Variants in DRC10 observed in about 807,000 individuals in gnomAD.
DRC10 encodes the protein IQ domain-containing protein D.
At chr12:113,211,878 C>T in the DRC10 span, among the ~76,000 whole-genome samples, 2 of 151,656 alleles carry the variant, frequency 1.3e-5, no homozygotes, top group African/African-American at 4.8e-5. Flanking sequence ...TCAGCATGGG[C>T]AACAAAATGA....
At chr12:113,212,183 T>C in the DRC10 span, among the ~76,000 whole-genome samples, 1 of 151,816 alleles carries the variant, frequency 6.6e-6, no homozygotes, top group Non-Finnish European at 1.5e-5. Flanking sequence ...CAGTCTCCTG[T>C]CTCAGCCTCC....
At chr12:113,207,617 T>C in the DRC10 span, 64 of 1,613,986 alleles carry the variant, frequency 4.0e-5, no homozygotes, top group Non-Finnish European at 5.3e-5. Context: ...AGGCTGTCAA[T>C]AAAATTCTGG....
At chr12:113,198,700 G>C in the DRC10 span, among the ~76,000 whole-genome samples, 1 of 152,308 alleles carries the variant, frequency 6.6e-6, no homozygotes, top group East Asian at 1.9e-4. Flanking sequence ...GAACTAGATA[G>C]AAGTGGTGGA....
At chr12:113,203,504 C>G in the DRC10 span, among the ~76,000 whole-genome samples, 29 of 134,712 alleles carry the variant, frequency 2.2e-4, no homozygotes, top group African/African-American at 7.8e-4. Context: ...GAGACAGAGT[C>G]TCACTCTGTC....
At chr12:113,213,479 C>T in the DRC10 span, among the ~76,000 whole-genome samples, 1 of 152,152 alleles carries the variant, frequency 6.6e-6, no homozygotes, top group Non-Finnish European at 1.5e-5. Context: ...GTTCTGAATG[C>T]TATATACGAA....
At chr12:113,202,884 G>T in the DRC10 span, 1 of 299,542 alleles carries the variant, frequency 3.3e-6, no homozygotes, top group Non-Finnish European at 7.0e-6. Context: ...TATTTTGGGT[G>T]TCTCTGTTAT....
At chr12:113,204,145 G>A in the DRC10 span, among the ~76,000 whole-genome samples, 5 of 152,224 alleles carry the variant, frequency 3.3e-5, no homozygotes, top group African/African-American at 1.2e-4. Flanking sequence ...AAAGGCTAAG[G>A]CAGGAGAATC....
At chr12:113,207,674 C>T in the DRC10 span, 1 of 1,613,886 alleles carries the variant, frequency 6.2e-7, no homozygotes, top group African/African-American at 1.3e-5. Context: ...AGCCTAGCAG[C>T]CTGGGGGTTG....
At chr12:113,205,293 G>A in the DRC10 span, among the ~76,000 whole-genome samples, 22 of 151,894 alleles carry the variant, frequency 1.4e-4, no homozygotes, top group African/African-American at 5.3e-4. Context: ...AGCACTTTGG[G>A]AGGCCAAGGC....
the DRC10 span, chr12:113,208,092 G>A: frequency 6.2e-6 from 10 of 1,614,234 alleles, no homozygotes; most frequent in East Asian, 2.2e-5. Context: ...TTTTAGATGG[G>A]TCTGTCTTTG....
chr12:113,199,217 G>A, the DRC10 span, among the ~76,000 whole-genome samples: 9 of 152,004 alleles, frequency 5.9e-5, no homozygotes, highest in East Asian at 3.9e-4. Flanking sequence ...GATTACAGGC[G>A]TGAGCCACTG....
At chr12:113,204,993 A>T in the DRC10 span, among the ~76,000 whole-genome samples, 1 of 151,846 alleles carries the variant, frequency 6.6e-6, no homozygotes, top group African/African-American at 2.4e-5. Context: ...TGCCTGGTTC[A>T]CGCCCTCGCA....
the DRC10 span, among the ~76,000 whole-genome samples, chr12:113,205,474 A>C: frequency 6.6e-6 from 1 of 152,068 alleles, no homozygotes; most frequent in East Asian, 1.9e-4. Flanking sequence ...TAGAAAATGA[A>C]ATAGAGGTTC....
chr12:113,202,170 A>C, the DRC10 span, among the ~76,000 whole-genome samples: 1 of 152,242 alleles, frequency 6.6e-6, no homozygotes, highest in Non-Finnish European at 1.5e-5. Context: ...ACAAGTATAC[A>C]TCATGCCCCT....
the DRC10 span, chr12:113,207,537 C>A: frequency 1.2e-6 from 2 of 1,614,014 alleles, no homozygotes; most frequent in Non-Finnish European, 1.7e-6. Flanking sequence ...CCTGTAAGAA[C>A]TGGGCCTTAT....
the DRC10 span, chr12:113,200,931 G>A: frequency 1.5e-6 from 1 of 674,622 alleles, no homozygotes; most frequent in Non-Finnish European, 2.4e-6. Context: ...CTGAGGTCAG[G>A]AGTTTGAGAC....
the DRC10 span, among the ~76,000 whole-genome samples, chr12:113,217,765 C>T: frequency 6.6e-6 from 1 of 152,368 alleles, no homozygotes; most frequent in African/African-American, 2.4e-5. Context: ...CTCCCGGGCT[C>T]AAGTAATCCA....
chr12:113,197,189 G>GC, the DRC10 span, among the ~76,000 whole-genome samples: 2 of 139,176 alleles, frequency 1.4e-5, no homozygotes, highest in East Asian at 4.2e-4. Context: ...CTAGCCAGTC[G>GC]CTTTTTTTTT....
the DRC10 span, among the ~76,000 whole-genome samples, chr12:113,214,416 G>A: frequency 7.0e-6 from 1 of 143,434 alleles, no homozygotes; most frequent in Non-Finnish European, 1.5e-5. Context: ...TGAGGCAGGA[G>A]AATCACTTGA....
Sources: gnomAD v4.1 joint callset for allele counts (sites outside exome capture counted in the v4.1 genomes callset) on GRCh38, gnomAD v4.1.1 for gene constraint, MANE v1.5 for transcripts, NCBI Gene and HGNC (gene_info 2026-07-23, HGNC 2026-07-21) for gene names.